Variants in B4GALNT4 observed in about 807,000 individuals in gnomAD.
B4GALNT4 encodes beta-1,4-N-acetyl-galactosaminyltransferase 4.
A neutral mutation model predicts 110.0 loss-of-function variants in B4GALNT4; 77 were observed. The observed-to-expected ratio is 0.70, with a 90% CI of 0.58 to 0.85. The LOEUF (loss-of-function observed/expected upper bound fraction) is 0.85. B4GALNT4 is among the 40% of genes least tolerant of loss of function. The pLI is 0.00. For missense variants in B4GALNT4, 1,575 were observed against 1,506.0 expected (o/e 1.05, Z -0.76); for synonymous variants, 785 against 655.5 (o/e 1.20, Z -3.02).
chr11:375,604 G>C (rs571776985), intron 9 of B4GALNT4, 35 bp from the exon 10 acceptor site: 3 of 1,598,398 alleles, frequency 1.9e-6, no homozygotes, highest in African/African-American at 1.3e-5. Flanking sequence ...TGGAGGAGGG[G>C]GTCTGAGCAC....
rs1305505001 is a variant in B4GALNT4 at position 372,720 on chromosome 11, A to G, written c.314A>G (p.Asn105Ser). The change falls in exon 3 of 20, where the codon AAC becomes AGC. Residue 105 changes from asparagine (N) to serine (S), a missense_variant. Asn to Ser is a conservative substitution (Grantham distance 46). Coordinates refer to ENST00000329962, the MANE Select transcript of B4GALNT4 (RefSeq NM_178537.5). ...FPGGAGRLPL[N>S]FTHQTPPWRE... The stretch of plus-strand genomic sequence containing the variant: ...GGGGGGGCTGGGAGGCTGCCACTGA[A>G]CTTCACCCATCAGACACCCCCATGG... 1.2e-6 allele frequency: 2 copies of G among 1,606,792 alleles called. No individual in the cohort carries two copies. The highest frequency in any genetic ancestry group is 3.4e-5 in the Admixed American group (2 of 59,032).
At chr11:371,168 G>C (rs928845610) in intron 1 of B4GALNT4, among the ~76,000 whole-genome samples, 5 of 152,214 alleles carry the variant, frequency 3.3e-5, no homozygotes, top group Non-Finnish European at 5.9e-5. Flanking sequence ...GGCTAAGCCA[G>C]CTCCGCCCCA....
At chr11:378,529 C>T (rs914235233) in intron 14 of B4GALNT4, among the ~76,000 whole-genome samples, 1 of 152,110 alleles carries the variant, frequency 6.6e-6, no homozygotes. Context: ...ACACTCAGGG[C>T]TTTGGGGTGG....
intron 3 of B4GALNT4, 44 bp from the exon 4 acceptor site, chr11:372,808 G>A (rs1388821615): frequency 2.0e-6 from 3 of 1,534,784 alleles, no homozygotes; most frequent in Admixed American, 2.0e-5. Flanking sequence ...GCTGGGGCGG[G>A]GGGGCGGCGG....
In B4GALNT4 at chr11:372,183, T is replaced by C. The variant is rs1203555326; in HGVS notation, c.226T>C (p.Ser76Pro). 5 of 1,549,930 alleles carry C rather than the reference T, an allele frequency of 3.2e-6. No homozygotes were observed. The highest frequency in any genetic ancestry group is 2.6e-6 in the Non-Finnish European group (3 of 1,146,824). ...AAPSTQRAED[S>P]SESREEEQAP... ...GCCATCCACACAGAGGGCTGAGGACTCCAGTGAGAGCCGTGAAGAGGAGCA... is the reference window on the plus strand; with the variant it reads ...GCCATCCACACAGAGGGCTGAGGACCCCAGTGAGAGCCGTGAAGAGGAGCA... Residue 76 changes from serine (S) to proline (P), a missense_variant, in exon 2 of 20, where the codon TCC becomes CCC. Physicochemically the swap from Ser to Pro is moderately conservative, Grantham distance 74. Coordinates refer to ENST00000329962, the MANE Select transcript of B4GALNT4 (RefSeq NM_178537.5).
chr11:375,879 G>T lies in B4GALNT4; in HGVS notation c.1018G>T (p.Val340Leu). Residue 340 changes from valine to leucine, a missense_variant, in exon 11 of 20, where the codon GTG becomes TTG. By Grantham distance (32) the Val-to-Leu change is conservative (BLOSUM62 1). Transcript: ENST00000329962. The stretch of plus-strand genomic sequence containing the variant: ...CATGGAATCTTCGAGCCTGGAGAAC[G>T]TGCTGGAGCCCTGCGCCTACGCCCC... ...PRMESSSLEN[V>L]LEPCAYAPTY... 1 of 1,611,540 alleles carries T rather than the reference G, an allele frequency of 6.2e-7. No individual in the cohort carries two copies. Among genetic ancestry groups the T allele is most frequent in the Non-Finnish European group, 8.5e-7 (1 of 1,179,454 alleles).
chr11:373,403 A>ACTGGGGGGGGGGG, intron 6 of B4GALNT4, 46 bp from the exon 7 acceptor site: 1 of 1,259,484 alleles, frequency 7.9e-7, no homozygotes, highest in Non-Finnish European at 1.1e-6. Context: ...CCAGGGAGAG[A>ACTGGGGGGGGGGG]GTGAACCCCC....
intron 14 of B4GALNT4, 86 bp from the exon 15 acceptor site, chr11:379,332 T>G: frequency 1.4e-5 from 19 of 1,369,774 alleles, no homozygotes; most frequent in South Asian, 1.6e-5. Flanking sequence ...CCAAGTCGGC[T>G]GAGTTTCTGT....
chr11:375,324 C>T (rs1338725218), intron 8 of B4GALNT4, 137 bp from the exon 9 acceptor site: 2 of 902,236 alleles, frequency 2.2e-6, no homozygotes, highest in East Asian at 2.4e-5. Flanking sequence ...ACGCCCCGGA[C>T]CCCTCTGCCA....
In B4GALNT4 at chr11:380,341, C is replaced by T; in HGVS notation, c.2765C>T (p.Pro922Leu). 6.2e-7 allele frequency: 1 copy of T among 1,613,386 alleles called. No individual in the cohort carries two copies. Among genetic ancestry groups the T allele is most frequent in the Non-Finnish European group, 8.5e-7 (1 of 1,179,756 alleles). Residue 922 changes from proline (P) to leucine (L), a missense_variant, in exon 18 of 20, where the codon CCC becomes CTC. By Grantham distance (98) the Pro-to-Leu change is moderately conservative. Coordinates refer to ENST00000329962, the MANE Select transcript of B4GALNT4 (RefSeq NM_178537.5). ...FLCDLHIHFP[P>L]NILDGIRKHC... ...TGCGACCTGCACATCCACTTCCCAC[C>T]CAACATCCTGGACGGCATCCGCAAG... is the stretch of plus-strand genomic sequence containing the variant.
At position 369,969 on chromosome 11, in the gene B4GALNT4, GC is replaced by G; in HGVS notation, c.151+16del. 1.7e-6 allele frequency: 1 copy of G among 596,152 alleles called. No individual in the cohort carries two copies. The highest frequency in any genetic ancestry group is 2.1e-6 in the Non-Finnish European group (1 of 485,984). The allele number at this position is 596,152 out of a possible 1,614,324, so 36.9% of individuals were successfully genotyped here. A position where few individuals can be genotyped will look rare whatever the true frequency, so the allele number is the denominator to read the frequency against. ...CTACGGGCGAGGTACGGCGCGGGGG[GC>G]GCGGGGGGCGCGGGGGGCGGGGGCG... On this transcript the variant is annotated intron_variant, in intron 1 of 19. Transcript: ENST00000329962.
Position 380,118 on chromosome 11 carries a change from C to T in B4GALNT4, c.2643-12C>T, listed in dbSNP as rs1234538461. 1 of 1,597,720 alleles carries T rather than the reference C, an allele frequency of 6.3e-7. No homozygotes were observed. The highest frequency in any genetic ancestry group is 8.6e-7 in the Non-Finnish European group (1 of 1,169,288). On this transcript the variant is annotated splice_polypyrimidine_tract_variant and intron_variant, in intron 16 of 19. Coordinates refer to ENST00000329962, the MANE Select transcript of B4GALNT4 (RefSeq NM_178537.5). ...ACCCCCAGAGATCGTGCCTGTGACT[C>T]GCCCTCCCCAGGTACCAGTACCTGA...
chr11:378,959 G>C (rs1846815174), intron 14 of B4GALNT4, among the ~76,000 whole-genome samples: 1 of 152,186 alleles, frequency 6.6e-6, no homozygotes, highest in East Asian at 1.9e-4. Context: ...GGAGACAGTG[G>C]CTGTGCCTGA....
At position 373,799 on chromosome 11, in the gene B4GALNT4, G is replaced by A. The variant is rs374809392; in HGVS notation, c.754G>A (p.Asp252Asn). 3.7e-5 allele frequency: 60 copies of A among 1,612,240 alleles called. No individual in the cohort carries two copies. Among genetic ancestry groups the A allele is most frequent in the African/African-American group, 1.9e-4 (14 of 75,008 alleles). Reference protein sequence around the residue: ...YYFELLHKQDDRGSDHVEVGW... With the variant: ...YYFELLHKQDNRGSDHVEVGW... ...CTTTGAGTTGCTGCACAAGCAGGAC[G>A]ACCGCGGCTCGGACCACGTGGAAGT... Residue 252 changes from aspartate to asparagine, a missense_variant, in exon 8 of 20, where the codon GAC (aspartate) becomes AAC (asparagine). Physicochemically the swap from Asp to Asn is conservative, Grantham distance 23. Transcript: ENST00000329962.
chr11:377,427 G>A (rs1246077994), intron 14 of B4GALNT4, 100 bp downstream of exon 14: 3 of 1,293,488 alleles, frequency 2.3e-6, no homozygotes, highest in Admixed American at 3.6e-5. Context: ...CCTTCCCCAG[G>A]GCCCAGTGGT....
intron 18 of B4GALNT4, 106 bp from the exon 19 acceptor site, chr11:380,719 T>C: frequency 6.4e-7 from 1 of 1,569,794 alleles, no homozygotes; most frequent in African/African-American, 1.4e-5. Context: ...CCCGTGGTGA[T>C]GGGACCCGGC....
rs115057328 is a variant in B4GALNT4, at chr11:380,390, C to T, written c.2814C>T (p.Ala938=). 6.1e-4 allele frequency: 991 copies of T among 1,613,020 alleles called. 3 individuals are homozygous for T. The African/African-American group carries it at 0.012, about 19-fold the overall frequency. ...AGCACTGCGTGGAGGGCAGGCTGGC[C>T]TTCGCGCCCGTGGTCATGCGCCTGA... ...IRKHCVEGRL[A]FAPVVMRLSC... is the part of the protein sequence containing the mutation. Residue 938 remains alanine, a synonymous_variant, in exon 18 of 20, where the codon GCC becomes GCT. Coordinates refer to ENST00000329962, the MANE Select transcript of B4GALNT4 (RefSeq NM_178537.5).
rs1564868264 is a variant in B4GALNT4, at chr11:373,175, T to C, written c.536-16T>C. ...CCGTGAGGCTCCACCCCCCTGAGCCTAGTCTTGTGGACTAGGAGACGTCCA... is the reference window on the plus strand; with the variant it reads ...CCGTGAGGCTCCACCCCCCTGAGCCCAGTCTTGTGGACTAGGAGACGTCCA... On this transcript the variant is annotated splice_polypyrimidine_tract_variant and intron_variant, in intron 5 of 19. Coordinates refer to ENST00000329962, the MANE Select transcript of B4GALNT4 (RefSeq NM_178537.5). The C allele has an allele frequency of 1.9e-6, 3 of 1,612,352 alleles. No homozygotes were observed. In the African/African-American group the frequency reaches 4.0e-5, roughly 22 times the overall value.
At chr11:373,598 C>T in intron 7 of B4GALNT4, 82 bp downstream of exon 7, 5 of 1,526,402 alleles carry the variant, frequency 3.3e-6, no homozygotes, top group Non-Finnish European at 4.5e-6. Context: ...CCTGTGCACA[C>T]TTGCGCACAC....
Sources: allele counts gnomAD v4.1 joint callset (sites outside exome capture counted in the v4.1 genomes callset), GRCh38; gene constraint gnomAD v4.1.1; transcripts MANE v1.5; gene names NCBI Gene and HGNC (gene_info 2026-07-23, HGNC 2026-07-21).